UNC5CL: variants seen among roughly 807,000 people sequenced by gnomAD.
The protein encoded by UNC5CL is unc-5 family C-terminal like.
In UNC5CL, 42 loss-of-function variants were observed where a neutral mutation model predicts 54.1. That is an observed-to-expected ratio of 0.78 (90% CI 0.61 to 1.00). UNC5CL has a LOEUF of 1.00. Among genes scored for constraint, UNC5CL ranks in the 50% least tolerant of loss-of-function variants. The pLI is 0.00. For missense variants in UNC5CL, 619 were observed against 675.6 expected, an observed-to-expected ratio of 0.92 and a Z score of 0.93; for synonymous variants, 285 against 285.1, an observed-to-expected ratio of 1.00 and a Z score of 0.00.
In UNC5CL at chr6:41,034,704, A is replaced by G; in HGVS notation, c.371T>C (p.Leu124Ser). The G allele has an allele frequency of 1.2e-6, 2 of 1,603,246 alleles. No homozygotes were observed. Among genetic ancestry groups the G allele is most frequent in the Non-Finnish European group, 1.7e-6 (2 of 1,179,584 alleles). The stretch of plus-strand genomic sequence containing the variant: ...GGAGCTGTTACCTGGTGGGATGAGC[A>G]AGGAGATGCCTGTATCCTGGAGCAT... ...CLMLQDTGISLLIPPGAVAVG... is the reference protein window; with the variant it reads ...CLMLQDTGISSLIPPGAVAVG... The change falls in exon 2 of 9, where the codon TTG (leucine) becomes TCG (serine). Residue 124 changes from leucine (L) to serine (S), a missense_variant. Leu to Ser is a moderately radical substitution (Grantham distance 145, BLOSUM62 -2). Transcript: ENST00000244565.
chr6:41,033,017 G>A lies in UNC5CL; in HGVS notation c.816C>T (p.Asn272=), dbSNP rs141627528. The change falls in exon 4 of 9, where the codon AAC becomes AAT. Residue 272 remains asparagine, a synonymous_variant. Coordinates refer to ENST00000244565, the MANE Select transcript of UNC5CL (RefSeq NM_173561.3). The stretch of plus-strand genomic sequence containing the variant: ...GTGCCCACTGCAGGGCGCAGGGCGT[G>A]TTGTTGAGGAAGTAGATACGCAGTT... ...HLQLRIYFLN[N]TPCALQWALT... 42 of 1,608,920 alleles carry A rather than the reference G, an allele frequency of 2.6e-5. No homozygotes were observed. The highest frequency in any genetic ancestry group is 3.1e-5 in the Non-Finnish European group (36 of 1,177,720).
chr6:41,035,149 A>AGGG lies in UNC5CL; in HGVS notation c.-61-17_-61-15dup. 2 of 1,500,548 alleles carry AGGG rather than the reference A, an allele frequency of 1.3e-6. No individual in the cohort carries two copies. Among genetic ancestry groups the AGGG allele is most frequent in the South Asian group, 2.7e-5 (2 of 74,494 alleles). 93.0% of individuals were successfully genotyped at this position (1,500,548 alleles called of 1,614,324 possible). On this transcript the variant is annotated splice_polypyrimidine_tract_variant and intron_variant, in intron 1 of 8. Transcript: ENST00000244565. ...AAAGCCAAAGGCCTGGTGGGGAAGA[A>AGGG]GGGGTCAGTGTCAGGGTAAGCCCTT...
chr6:41,031,601 T>G, intron 6 of UNC5CL, 80 bp downstream of exon 6: 1 of 1,385,386 alleles, frequency 7.2e-7, no homozygotes, highest in South Asian at 1.2e-5. Flanking sequence ...CCATAGTTAC[T>G]GGGCACCAGA....
Position 41,031,730 on chromosome 6 carries a change from C to G in UNC5CL, c.1070G>C (p.Cys357Ser). The change falls in exon 6 of 9, where the codon TGT (cysteine) becomes TCT (serine). Residue 357 changes from cysteine to serine, a missense_variant. Coordinates refer to ENST00000244565, the MANE Select transcript of UNC5CL (RefSeq NM_173561.3). ...AATGATCTCATTGGTTAGTGCTGAA[C>G]AGTCCTCATTCTCATCGGCTATAAA... is the stretch of plus-strand genomic sequence containing the variant. ...RRKAADENED[C>S]SALTNEIIVT... 1 of 1,614,208 alleles carries G rather than the reference C, an allele frequency of 6.2e-7. No individual in the cohort carries two copies. The highest frequency in any genetic ancestry group is 8.5e-7 in the Non-Finnish European group (1 of 1,180,042).
Position 41,029,602 on chromosome 6 carries a change from A to C in UNC5CL, c.1334+786T>G, listed in dbSNP as rs1762430115. ...ATAATAGGTACTTGATAAATGTTTA[A>C]ATGAATGATTTAAAAATCCACCCTG... On this transcript the variant is annotated intron_variant, in intron 8 of 8. Transcript: ENST00000244565. The surrounding 1 kb of genome is among the most constrained non-coding windows in gnomAD (Gnocchi z 4.1). Among the ~76,000 whole-genome samples the C allele has an allele frequency of 6.6e-6, 1 of 152,228 alleles. No individual in the cohort carries two copies. Among genetic ancestry groups the C allele is most frequent in the Non-Finnish European group, 1.5e-5 (1 of 68,046 alleles).
Position 41,034,106 on chromosome 6 carries a change from G to A in UNC5CL, c.461C>T (p.Ser154Phe). 6.2e-7 allele frequency: 1 copy of A among 1,614,150 alleles called. No homozygotes were observed. Among genetic ancestry groups the A allele is most frequent in the South Asian group, 1.1e-5 (1 of 91,092 alleles). The change falls in exon 3 of 9, where the codon TCC becomes TTC. Residue 154 changes from serine (S) to phenylalanine (F), a missense_variant. Coordinates refer to ENST00000244565, the MANE Select transcript of UNC5CL (RefSeq NM_173561.3). ...AGGGCTTACCAGCCCCTGGGCTTGG[G>A]ACAGCGATGGGGCGTCCGACAGGTC... ...VWDLSDAPSL[S>F]QAQGLVSPVV...
At position 41,026,982 on chromosome 6, in the gene UNC5CL, C is replaced by A. The variant is rs188847832; in HGVS notation, c.*1391G>T. 7.9e-5 allele frequency: 12 copies of A among 152,254 alleles called. No homozygotes were observed. The highest frequency in any genetic ancestry group is 7.2e-4 in the Admixed American group (11 of 15,290). The allele number at this position is 152,254 out of a possible 1,614,324, so 9.4% of individuals were successfully genotyped here. Reference sequence around the variant, plus strand: ...TGTTGCCAGAGAGATTGTTTGCCTGCCTTTGAACAAATTAACAACACCTGT... The same window carrying A: ...TGTTGCCAGAGAGATTGTTTGCCTGACTTTGAACAAATTAACAACACCTGT... On this transcript the variant is annotated 3_prime_UTR_variant, in exon 9 of 9. Transcript: ENST00000244565.
Position 41,035,091 on chromosome 6 carries a change from T to A in UNC5CL, c.-17A>T. On this transcript the variant is annotated 5_prime_UTR_variant, in exon 2 of 9. Transcript: ENST00000244565. ...GGGGCACATTCGCCTGGTTACTCAA[T>A]GCCGCTGGCTCTCCTTCACCCCTGT... The A allele has an allele frequency of 1.9e-6, 3 of 1,540,182 alleles. No homozygotes were observed. Among genetic ancestry groups the A allele is most frequent in the Non-Finnish European group, 2.6e-6 (3 of 1,140,308 alleles).
rs554523285 is a variant in UNC5CL, at chr6:41,029,180, G to C, written c.1335-585C>G. On this transcript the variant is annotated intron_variant, in intron 8 of 8. Transcript: ENST00000244565. This position sits in a 1 kb window ranked among gnomAD's most constrained non-coding sequence, Gnocchi z 4.1. ...TGCTTTCTCTCCTTTCTCCCATCCT[G>C]AACCCCCTTAGCTCAGGCCTCTCTC... 6.6e-6 allele frequency among the ~76,000 whole-genome samples: 1 copy of C among 151,896 alleles called. No individual in the cohort carries two copies.
At chr6:41,037,132 G>A (rs1243499016) in intron 1 of UNC5CL, among the ~76,000 whole-genome samples, 3 of 152,170 alleles carry the variant, frequency 2.0e-5, no homozygotes, top group Non-Finnish European at 4.4e-5. Context: ...ACCGGCCTTT[G>A]ACAGCCTCCA....
At position 41,034,818 on chromosome 6, in the gene UNC5CL, G is replaced by T. The variant is rs757758154; in HGVS notation, c.257C>A (p.Pro86His). 6 of 1,614,218 alleles carry T rather than the reference G, an allele frequency of 3.7e-6. No homozygotes were observed. The highest frequency in any genetic ancestry group is 5.1e-6 in the Non-Finnish European group (6 of 1,180,038). The change falls in exon 2 of 9, where the codon CCC becomes CAC. Residue 86 changes from proline (P) to histidine (H), a missense_variant. Coordinates refer to ENST00000244565, the MANE Select transcript of UNC5CL (RefSeq NM_173561.3). ...GCGGACCATGGTCTGGCCTTGAGTG[G>T]GTGTGTGTAGCTCCTGGTAGAAGGC... ...MVAFYQELHT[P>H]TQGQTMVRQL...
chr6:41,030,511 G>A lies in UNC5CL; in HGVS notation c.1221-10C>T. On this transcript the variant is annotated splice_polypyrimidine_tract_variant and intron_variant, in intron 7 of 8. Transcript: ENST00000244565. ...GAGCTCTGGGGGCAGCCTTAGGCAG[G>A]GAAAAGGGTGTTCTTGGAAGAAAGG... 6.2e-7 allele frequency: 1 copy of A among 1,614,122 alleles called. No individual in the cohort carries two copies.
chr6:41,030,744 G>T lies in UNC5CL; in HGVS notation c.1131C>A (p.Thr377=), dbSNP rs186946127. Residue 377 remains threonine (T), a synonymous_variant, in exon 7 of 9, where the codon ACC becomes ACA. Coordinates refer to ENST00000244565, the MANE Select transcript of UNC5CL (RefSeq NM_173561.3). ...GGAATCTGAGGATTTCCATATACTT[G>T]GTCTCCAAGCCCTGAGTCAACACAG... ...TMHTFQDGLE[T]KYMEILRFQA... 3 of 1,613,826 alleles carry T rather than the reference G, an allele frequency of 1.9e-6. No homozygotes were observed. In the Admixed American group the frequency reaches 5.0e-5, roughly 27 times the overall value.
At chr6:41,031,580 T>G in intron 6 of UNC5CL, 101 bp downstream of exon 6, 2 of 1,164,392 alleles carry the variant, frequency 1.7e-6, no homozygotes, top group Non-Finnish European at 2.6e-6. Flanking sequence ...TCTTTACCTA[T>G]GTGATTAAGA....
Position 41,030,501 on chromosome 6 carries a change from C to G in UNC5CL, c.1221G>C (p.Arg407Ser). The G allele has an allele frequency of 6.2e-7, 1 of 1,614,142 alleles. No individual in the cohort carries two copies. The highest frequency in any genetic ancestry group is 8.5e-7 in the Non-Finnish European group (1 of 1,180,014). ...GCTGCTCAAAGAGCTCTGGGGGCAG[C>G]CTTAGGCAGGGAAAAGGGTGTTCTT... ...PPVSQPPPCN[R>S]LPPELFEQLR... is the part of the protein sequence containing the mutation. The change falls in exon 8 of 9, where the codon AGG becomes AGC. Residue 407 changes from arginine (R) to serine (S), a missense_variant and splice_region_variant. Physicochemically the swap from Arg to Ser is moderately radical, Grantham distance 110. Transcript: ENST00000244565.
At position 41,034,954 on chromosome 6, in the gene UNC5CL, C is replaced by A; in HGVS notation, c.121G>T (p.Gly41Trp). ...TGACCATTCAGTGTCCAGCAGGCCCCCAGCAGCCTTCTAGGGCAGTGCCAT... is the reference window on the plus strand; with the variant it reads ...TGACCATTCAGTGTCCAGCAGGCCCACAGCAGCCTTCTAGGGCAGTGCCAT... ...LRWHCPRRLL[G>W]ACWTLNGQEE... The change falls in exon 2 of 9, where the codon GGG (glycine) becomes TGG (tryptophan). Residue 41 changes from glycine to tryptophan, a missense_variant. Physicochemically the swap from Gly to Trp is radical, Grantham distance 184. Transcript: ENST00000244565. 3.7e-6 allele frequency: 6 copies of A among 1,613,964 alleles called. No individual in the cohort carries two copies. The highest frequency in any genetic ancestry group is 1.7e-4 in the Middle Eastern group (1 of 6,048).
chr6:41,037,965 G>A (rs1287680796), intron 1 of UNC5CL, among the ~76,000 whole-genome samples: 24 of 152,198 alleles, frequency 1.6e-4, no homozygotes, highest in Admixed American at 1.4e-3. Flanking sequence ...CCTTAGGAGC[G>A]AGGTGTTATT....
chr6:41,035,198 G>T, intron 1 of UNC5CL, 63 bp from the exon 2 acceptor site: 1 of 1,269,710 alleles, frequency 7.9e-7, no homozygotes, highest in Non-Finnish European at 1.1e-6. Flanking sequence ...GTCAAGGCTT[G>T]GCTTACACAT....
chr6:41,028,512 T>C lies in UNC5CL; in HGVS notation c.1418A>G (p.Tyr473Cys). Residue 473 changes from tyrosine (Y) to cysteine (C), a missense_variant, in exon 9 of 9, where the codon TAC (tyrosine) becomes TGC (cysteine). By Grantham distance (194) the Tyr-to-Cys change is radical. Transcript: ENST00000244565. This position sits in a 1 kb window ranked among gnomAD's most constrained non-coding sequence, Gnocchi z 4.3. ...TAGCCGCTCCATGACGGTCATGAGG[T>C]AGTGCAGCTCCTGCAGGCTGCCGTT... The part of the protein sequence containing the change: ...EQNGSLQELH[Y>C]LMTVMERLDC... 1 of 1,613,820 alleles carries C rather than the reference T, an allele frequency of 6.2e-7. No homozygotes were observed. Among genetic ancestry groups the C allele is most frequent in the Non-Finnish European group, 8.5e-7 (1 of 1,179,984 alleles).
Sources: allele counts gnomAD v4.1 joint callset (sites outside exome capture counted in the v4.1 genomes callset), GRCh38; gene constraint gnomAD v4.1.1; non-coding constraint Gnocchi (gnomAD v3.1); transcripts MANE v1.5; gene names NCBI Gene and HGNC (gene_info 2026-07-23, HGNC 2026-07-21).